Variants in MYPN observed in about 807,000 individuals in gnomAD.
MYPN encodes the protein myopalladin, also known as sarcomeric protein myopalladin, 145 kDa (MYOP).
A neutral mutation model predicts 129.4 loss-of-function variants in MYPN; 63 were observed. The observed-to-expected ratio is 0.49, with a 90% CI of 0.40 to 0.60. The LOEUF (loss-of-function observed/expected upper bound fraction) is 0.60, where lower values mean the gene tolerates loss of function less well. Among genes scored for constraint, MYPN ranks in the 20% least tolerant of loss-of-function variants. The pLI is 0.00. For missense variants in MYPN, 1,596 were observed against 1,635.4 expected (o/e 0.98, Z 0.42); for synonymous variants, 629 against 600.9 (o/e 1.05, Z -0.68).
At chr10:68,097,247 C>T (rs1030339717) in intron 1 of MYPN, among the ~76,000 whole-genome samples, 8 of 152,102 alleles carry the variant, frequency 5.3e-5, no homozygotes, top group African/African-American at 1.9e-4. Flanking sequence ...TGGAGCACCC[C>T]ATGTTACAAA....
At chr10:68,208,607 A>C (rs1192303956) in intron 19 of MYPN, among the ~76,000 whole-genome samples, 1 of 151,926 alleles carries the variant, frequency 6.6e-6, no homozygotes, top group Non-Finnish European at 1.5e-5. Context: ...GAAACAGATG[A>C]CTCTTGTGCC....
intron 12 of MYPN, among the ~76,000 whole-genome samples, chr10:68,185,407 G>A (rs528913437): frequency 1.3e-5 from 2 of 152,206 alleles, no homozygotes; most frequent in South Asian, 2.1e-4. Context: ...AGAGTCCCCA[G>A]CTAATTCCCT....
intron 1 of MYPN, among the ~76,000 whole-genome samples, chr10:68,097,951 G>T (rs765893004): frequency 6.6e-5 from 10 of 152,090 alleles, no homozygotes; most frequent in Non-Finnish European, 1.5e-4. Flanking sequence ...GGTCCTTAAA[G>T]ATCTCAATTT....
intron 2 of MYPN, chr10:68,135,598 G>A: frequency 1.9e-6 from 1 of 523,576 alleles, no homozygotes; most frequent in Non-Finnish European, 2.4e-6. Context: ...AAATGAAGCT[G>A]GGCAAAGACA....
intron 1 of MYPN, chr10:68,114,265 G>A (rs141781197): frequency 8.4e-4 from 128 of 151,958 alleles, no homozygotes; most frequent in African/African-American, 2.9e-3. Flanking sequence ...GGATAGCACC[G>A]AGTTAACATG....
At chr10:68,148,157 T>G (rs1187843185) in intron 4 of MYPN, among the ~76,000 whole-genome samples, 196 bp from the exon 5 acceptor site, 1 of 152,212 alleles carries the variant, frequency 6.6e-6, no homozygotes, top group Non-Finnish European at 1.5e-5. Context: ...AATGGTGTCT[T>G]ATGCATTTTC....
intron 2 of MYPN, among the ~76,000 whole-genome samples, chr10:68,133,369 A>G (rs2042439535): frequency 6.6e-6 from 1 of 152,146 alleles, no homozygotes; most frequent in African/African-American, 2.4e-5. Context: ...TAGAAAGCAT[A>G]TAGATGGAAG....
intron 2 of MYPN, 60 bp downstream of exon 2, chr10:68,122,400 C>A: frequency 6.4e-7 from 1 of 1,553,108 alleles, no homozygotes; most frequent in Non-Finnish European, 8.9e-7. Flanking sequence ...ATGACCCTCC[C>A]AAGTATTATC....
intron 18 of MYPN, among the ~76,000 whole-genome samples, chr10:68,202,984 T>C (rs566375695): frequency 1.3e-5 from 2 of 152,332 alleles, no homozygotes; most frequent in South Asian, 4.1e-4. Context: ...GATTAAACTA[T>C]ATACTCTAAA....
At position 68,089,564 on chromosome 10, in the gene MYPN, C is replaced by A. The variant is rs552529814; in HGVS notation, c.-2+1572C>A. 3.0e-3 allele frequency among the ~76,000 whole-genome samples: 463 copies of A among 152,096 alleles called. 1 individual carries two copies. The highest frequency in any genetic ancestry group is 0.01 in the African/African-American group (418 of 41,470). On this transcript the variant is annotated intron_variant, in intron 1 of 6. Coordinates refer to the MYPN transcript ENST00000685154. Reference sequence around the variant, plus strand: ...GTTTCACCGTGTTAGCCAGGCTGGTCTCGATCTCCTGACCCCATGATTCGC... The same window carrying A: ...GTTTCACCGTGTTAGCCAGGCTGGTATCGATCTCCTGACCCCATGATTCGC...
rs7913133 is a variant in MYPN, at chr10:68,201,713, A to G, written c.3494-116A>G. The G allele has an allele frequency of 0.66, 747,477 of 1,133,248 alleles. 252,356 individuals carry two copies. Among genetic ancestry groups the G allele is most frequent in the Non-Finnish European group, 0.7 (551,775 of 793,116 alleles). 70.2% of individuals were successfully genotyped at this position (1,133,248 alleles called of 1,614,324 possible). The stretch of plus-strand genomic sequence containing the variant: ...AACCTGGCAGGGGAGGGGTGCAGGC[A>G]GAGGTTGCAGTGAGCTGAGATCTTG... On this transcript the variant is annotated intron_variant, in intron 17 of 19. Transcript: ENST00000358913.
At position 68,166,496 on chromosome 10, in the gene MYPN, C is replaced by G; in HGVS notation, c.1803C>G (p.Asn601Lys). The change falls in exon 10 of 20, where the codon AAC becomes AAG. Residue 601 changes from asparagine to lysine, a missense_variant. Physicochemically the swap from Asn to Lys is moderately conservative, Grantham distance 94. Transcript: ENST00000358913. ...SSRIGLRVHF[N>K]LPEDDKGSEA... Reference sequence around the variant, plus strand: ...GGATTGGGCTTCGTGTGCACTTCAACCTGCCTGAAGATGACAAAGGAAGTG... The same window carrying G: ...GGATTGGGCTTCGTGTGCACTTCAAGCTGCCTGAAGATGACAAAGGAAGTG... 6.2e-7 allele frequency: 1 copy of G among 1,614,160 alleles called. No homozygotes were observed. The highest frequency in any genetic ancestry group is 8.5e-7 in the Non-Finnish European group (1 of 1,180,040).
At chr10:68,209,640 C>T (rs920193027) in intron 19 of MYPN, among the ~76,000 whole-genome samples, 4 of 144,884 alleles carry the variant, frequency 2.8e-5, no homozygotes, top group Non-Finnish European at 6.1e-5. Context: ...TCACCCTCGT[C>T]ACCCACTCTT....
chr10:68,124,067 G>T (rs1451817411), intron 2 of MYPN, among the ~76,000 whole-genome samples: 1 of 152,168 alleles, frequency 6.6e-6, no homozygotes, highest in Non-Finnish European at 1.5e-5. Context: ...CAGCTTTTCT[G>T]TGAGGCAAAT....
chr10:68,184,202 C>T (rs2043384325), intron 12 of MYPN, among the ~76,000 whole-genome samples: 1 of 152,098 alleles, frequency 6.6e-6, no homozygotes, highest in African/African-American at 2.4e-5. Context: ...TGATACAAAG[C>T]AAGCAAAGCC....
rs750357456 is a variant in MYPN at position 68,211,595 on chromosome 10, C to G, written c.*1140C>G. ...CTTTATTCTAATCACCAATTCAAACCCTGCCTCTTAAGGAATTTTTAGACT... is the reference window on the plus strand; with the variant it reads ...CTTTATTCTAATCACCAATTCAAACGCTGCCTCTTAAGGAATTTTTAGACT... On this transcript the variant is annotated 3_prime_UTR_variant, in exon 20 of 20. Coordinates refer to ENST00000358913, the MANE Select transcript of MYPN (RefSeq NM_032578.4). 6.6e-6 allele frequency: 3 copies of G among 453,906 alleles called. No individual in the cohort carries two copies. Among genetic ancestry groups the G allele is most frequent in the African/African-American group, 6.0e-5 (3 of 49,972 alleles). 28.1% of individuals were successfully genotyped at this position (453,906 alleles called of 1,614,324 possible).
intron 5 of MYPN, among the ~76,000 whole-genome samples, chr10:68,149,524 C>G (rs554035038): frequency 2.6e-5 from 4 of 151,940 alleles, no homozygotes; most frequent in Admixed American, 1.3e-4. Context: ...GGTCTTGAAC[C>G]CTGGCCTCAA....
Position 68,199,557 on chromosome 10 carries a change from C to G in MYPN, c.3475C>G (p.Leu1159Val). The change falls in exon 17 of 20, where the codon CTG becomes GTG. Residue 1159 changes from leucine to valine, a missense_variant. Transcript: ENST00000358913. ...TNKTGQNSFS[L>V]ELSVVAKEVK... The stretch of plus-strand genomic sequence containing the variant: ...CAAAACCGGGCAGAATTCTTTTAGT[C>G]TGGAGCTCTCTGTAGTAGGTAAGGT... The G allele has an allele frequency of 1.2e-6, 2 of 1,610,188 alleles. No homozygotes were observed. The highest frequency in any genetic ancestry group is 1.7e-6 in the Non-Finnish European group (2 of 1,178,546).
At position 68,166,490 on chromosome 10, in the gene MYPN, C is replaced by T. The variant is rs757346980; in HGVS notation, c.1797C>T (p.His599=). 7 of 1,614,034 alleles carry T rather than the reference C, an allele frequency of 4.3e-6. No homozygotes were observed. The African/African-American group carries it at 9.3e-5, about 22-fold the overall frequency. The part of the protein sequence containing the change: ...RSSSRIGLRV[H]FNLPEDDKGS... ...GCTCCAGGATTGGGCTTCGTGTGCA[C>T]TTCAACCTGCCTGAAGATGACAAAG... The change falls in exon 10 of 20, where the codon CAC becomes CAT. Residue 599 remains histidine (H), a synonymous_variant. Transcript: ENST00000358913.
Sources: allele counts gnomAD v4.1 joint callset (sites outside exome capture counted in the v4.1 genomes callset), GRCh38; gene constraint gnomAD v4.1.1; transcripts MANE v1.5; gene names NCBI Gene and HGNC (gene_info 2026-07-23, HGNC 2026-07-21).